Variants in CCNY observed in about 807,000 individuals in gnomAD.
CCNY encodes cyclin-Y.
In CCNY, 19 loss-of-function variants were observed where a neutral mutation model predicts 42.8. The ratio of observed to expected loss-of-function variants is 0.44; its 90% CI spans 0.31 to 0.65. CCNY has a LOEUF of 0.65. Ranked by LOEUF, CCNY falls within the 30% of genes least tolerant of loss-of-function variation. CCNY has a pLI of 0.07. For synonymous variants in CCNY, 165 were observed against 162.7 expected (o/e 1.01, Z -0.11); for missense variants, 370 against 437.3 (o/e 0.85, Z 1.37).
intron 1 of CCNY, among the ~76,000 whole-genome samples, chr10:35,451,550 G>C (rs1006614239): frequency 2.0e-5 from 3 of 152,182 alleles, no homozygotes; most frequent in African/African-American, 7.2e-5. Context: ...GCAGGTTTTG[G>C]TTGGTTTGGT....
intron 1 of CCNY, among the ~76,000 whole-genome samples, chr10:35,385,199 A>G (rs185531824): frequency 2.0e-5 from 3 of 152,344 alleles, no homozygotes; most frequent in East Asian, 3.9e-4. Flanking sequence ...ATTTGATACT[A>G]TTAAATCTCA....
intron 1 of CCNY, chr10:35,347,420 T>C: frequency 1.0e-6 from 1 of 983,326 alleles, no homozygotes; most frequent in South Asian, 4.7e-5. Flanking sequence ...ATTATAGACC[T>C]TCTGACTGTT....
At chr10:35,300,936 C>G (rs898304170) in intron 3 of CCNY, among the ~76,000 whole-genome samples, 2 of 152,120 alleles carry the variant, frequency 1.3e-5, no homozygotes, top group African/African-American at 2.4e-5. Flanking sequence ...TCCCAAGTAG[C>G]TGGGATTACA....
intron 7 of CCNY, 60 bp from the exon 8 acceptor site, chr10:35,552,959 G>A: frequency 6.7e-7 from 1 of 1,492,652 alleles, no homozygotes; most frequent in East Asian, 2.3e-5. Flanking sequence ...ATTTCTTGAG[G>A]TGTGCTGGTG....
At chr10:35,370,415 T>C (rs888759047) in intron 1 of CCNY, among the ~76,000 whole-genome samples, 2 of 151,914 alleles carry the variant, frequency 1.3e-5, no homozygotes, top group Admixed American at 1.3e-4. Flanking sequence ...CCTCCCAGAG[T>C]GTTGGGATTA....
At chr10:35,413,894 A>G (rs116394504) in intron 1 of CCNY, among the ~76,000 whole-genome samples, 436 of 152,310 alleles carry the variant, frequency 2.9e-3, no homozygotes, top group African/African-American at 0.01. Context: ...GAGTTCTGAC[A>G]TGCATCGGGC....
intron 3 of CCNY, among the ~76,000 whole-genome samples, chr10:35,290,162 G>T (rs2135061986): frequency 6.6e-6 from 1 of 151,076 alleles, no homozygotes; most frequent in East Asian, 1.9e-4. Context: ...GGAGGCAAAG[G>T]TTGCAGTGAG....
chr10:35,395,703 C>G (rs1479271965), intron 1 of CCNY, among the ~76,000 whole-genome samples: 1 of 152,230 alleles, frequency 6.6e-6, no homozygotes, highest in African/African-American at 2.4e-5. Flanking sequence ...GAAGAGCCTT[C>G]AGAGCAGTCC....
At chr10:35,429,171 C>T (rs1838331591) in intron 1 of CCNY, among the ~76,000 whole-genome samples, 1 of 152,166 alleles carries the variant, frequency 6.6e-6, no homozygotes, top group Non-Finnish European at 1.5e-5. Context: ...TCTTGTATTT[C>T]AATCAAAGCA....
chr10:35,489,138 G>A (rs528746284), intron 2 of CCNY, among the ~76,000 whole-genome samples: 81 of 152,224 alleles, frequency 5.3e-4, no homozygotes, highest in African/African-American at 1.6e-3. Flanking sequence ...CTAACTGGGC[G>A]TGGTGGCAGG....
chr10:35,463,275 A>C (rs1433732637), intron 1 of CCNY, among the ~76,000 whole-genome samples: 4 of 152,234 alleles, frequency 2.6e-5, no homozygotes, highest in Non-Finnish European at 5.9e-5. Context: ...GTGAGGATTA[A>C]ATAAACATGT....
chr10:35,551,815 C>T (rs779475902), intron 7 of CCNY, among the ~76,000 whole-genome samples: 29 of 152,076 alleles, frequency 1.9e-4, no homozygotes, highest in Non-Finnish European at 2.9e-4. Flanking sequence ...AAATCCTAAT[C>T]GCAGTGATAT....
chr10:35,565,125 C>T (rs771004217), intron 8 of CCNY, among the ~76,000 whole-genome samples: 1 of 152,150 alleles, frequency 6.6e-6, no homozygotes, highest in Non-Finnish European at 1.5e-5. Flanking sequence ...AGAAATAAAC[C>T]TAATTTGAAA....
chr10:35,376,044 C>T (rs1479260662), intron 1 of CCNY, among the ~76,000 whole-genome samples: 2 of 152,098 alleles, frequency 1.3e-5, no homozygotes, highest in East Asian at 1.9e-4. Flanking sequence ...TCTGAGGGGT[C>T]GTGGCTCAGG....
chr10:35,492,620 A>G (rs967884233), intron 2 of CCNY, among the ~76,000 whole-genome samples: 1 of 152,248 alleles, frequency 6.6e-6, no homozygotes, highest in Non-Finnish European at 1.5e-5. Flanking sequence ...CATCTTGCTC[A>G]TGGATAGGAA....
At chr10:35,269,339 CAG>C (rs1417594507) in intron 3 of CCNY, among the ~76,000 whole-genome samples, 2 of 151,832 alleles carry the variant, frequency 1.3e-5, no homozygotes, top group Non-Finnish European at 2.9e-5. Context: ...TTTTTTGAGA[CAG>C]AGTCTCACTC....
At chr10:35,445,845 G>GTTAA (rs1838779194) in intron 1 of CCNY, among the ~76,000 whole-genome samples, 2 of 152,206 alleles carry the variant, frequency 1.3e-5, no homozygotes, top group Admixed American at 1.3e-4. Context: ...AATCACCAGT[G>GTTAA]TTAACACTGT....
intron 7 of CCNY, among the ~76,000 whole-genome samples, chr10:35,544,299 T>A (rs1841066670): frequency 6.6e-6 from 1 of 152,176 alleles, no homozygotes; most frequent in South Asian, 2.1e-4. Flanking sequence ...ATACCATATT[T>A]TTATGGTGCT....
intron 8 of CCNY, among the ~76,000 whole-genome samples, chr10:35,556,862 T>A (rs887688441): frequency 9.2e-5 from 14 of 151,674 alleles, no homozygotes; most frequent in Non-Finnish European, 2.9e-5. Flanking sequence ...TTTTTTTTTT[T>A]AAGACAGAGT....
Sources: gnomAD v4.1 joint callset for allele counts (sites outside exome capture counted in the v4.1 genomes callset) on GRCh38, gnomAD v4.1.1 for gene constraint, MANE v1.5 for transcripts, NCBI Gene and HGNC (gene_info 2026-07-23, HGNC 2026-07-21) for gene names.